Variants in CNGA3 observed in about 807,000 individuals in gnomAD.
The protein encoded by CNGA3 is cyclic nucleotide gated channel subunit alpha 3.
CNGA3 carries 42 observed loss-of-function variants against 46.6 expected under a neutral mutation model. The ratio of observed to expected loss-of-function variants is 0.90; its 90% confidence interval spans 0.70 to 1.17. The LOEUF (loss-of-function observed/expected upper bound fraction) is 1.17. Ranked by LOEUF, CNGA3 falls within the 50% of genes most tolerant of loss-of-function variation. The pLI is 0.00. For synonymous variants in CNGA3, 394 were observed against 369.4 expected, an observed-to-expected ratio of 1.07 and a Z score of -0.76; for missense variants, 893 against 890.7, an observed-to-expected ratio of 1.00 and a Z score of -0.03.
chr2:98,348,522 G>T (rs1691695957), intron 1 of CNGA3, among the ~76,000 whole-genome samples: 1 of 152,186 alleles, frequency 6.6e-6, no homozygotes, highest in South Asian at 2.1e-4. Context: ...GGCGGGGACG[G>T]CAGTGACCAG....
At chr2:98,359,731 G>A (rs915924391) in intron 1 of CNGA3, among the ~76,000 whole-genome samples, 8 of 152,286 alleles carry the variant, frequency 5.3e-5, no homozygotes, top group East Asian at 1.9e-4. Flanking sequence ...GTCTGTGGAC[G>A]CCCTGGCCAC....
At chr2:98,364,584 T>C (rs2104158432) in intron 1 of CNGA3, among the ~76,000 whole-genome samples, 1 of 152,304 alleles carries the variant, frequency 6.6e-6, no homozygotes, top group Admixed American at 6.5e-5. Context: ...CCATTCTGTG[T>C]CTTTTAATCA....
Position 98,396,905 on chromosome 2 carries a change from C to T in CNGA3, c.1735C>T (p.Leu579Phe). The T allele has an allele frequency of 2.5e-6, 4 of 1,614,126 alleles. No homozygotes were observed. The highest frequency in any genetic ancestry group is 3.4e-6 in the Non-Finnish European group (4 of 1,180,044). The part of the protein sequence containing the change: ...RSIGYSDLFC[L>F]SKDDLMEALT... ...CATTGGCTACTCAGACCTGTTCTGC[C>T]TCTCAAAGGACGATCTCATGGAGGC... Residue 579 changes from leucine to phenylalanine, a missense_variant, in exon 8 of 8, where the codon CTC (leucine) becomes TTC (phenylalanine). This residue lies in a region of CNGA3 where 548 missense variants were observed against 570.8 expected (regional missense o/e 0.96). Coordinates refer to ENST00000272602, the MANE Select transcript of CNGA3 (RefSeq NM_001298.3).
chr2:98,368,351 C>T (rs1469748678), intron 1 of CNGA3, among the ~76,000 whole-genome samples: 4 of 152,200 alleles, frequency 2.6e-5, no homozygotes, highest in Admixed American at 2.0e-4. Context: ...GAGTGGTCTC[C>T]ACTGACATCT....
At chr2:98,352,659 G>T (rs1691792465) in intron 1 of CNGA3, among the ~76,000 whole-genome samples, 1 of 152,194 alleles carries the variant, frequency 6.6e-6, no homozygotes, top group South Asian at 2.1e-4. Flanking sequence ...TCCATGGACT[G>T]GGTAAAGCAG....
chr2:98,364,373 A>T (rs540532540), intron 1 of CNGA3, among the ~76,000 whole-genome samples: 3 of 150,312 alleles, frequency 2.0e-5, no homozygotes, highest in South Asian at 4.2e-4. Context: ...GCAAGACTCC[A>T]TCTCAAAAAT....
intron 4 of CNGA3, among the ~76,000 whole-genome samples, chr2:98,382,570 A>T (rs1692563778): frequency 1.3e-5 from 2 of 152,230 alleles, no homozygotes; most frequent in Admixed American, 1.3e-4. Context: ...CGCCTGCCTC[A>T]GGCTCCAGTT....
At chr2:98,351,324 G>T (rs1691762707) in intron 1 of CNGA3, among the ~76,000 whole-genome samples, 1 of 152,162 alleles carries the variant, frequency 6.6e-6, no homozygotes, top group South Asian at 2.1e-4. Context: ...GTTGTGGGAG[G>T]GACCCAGTGG....
chr2:98,382,617 G>A (rs1274939790), intron 4 of CNGA3, among the ~76,000 whole-genome samples: 2 of 152,264 alleles, frequency 1.3e-5, no homozygotes, highest in Admixed American at 6.5e-5. Flanking sequence ...AGTGCCCTGC[G>A]AGGCCGCATG....
rs13424495 is a variant in CNGA3 at position 98,376,873 on chromosome 2, A to T, written c.102-814A>T. 2.6e-3 allele frequency among the ~76,000 whole-genome samples: 400 copies of T among 152,290 alleles called. 1 individual carries two copies. Among genetic ancestry groups the T allele is most frequent in the African/African-American group, 8.9e-3 (371 of 41,556 alleles). ...TTAAAAGAAAGGAAAATATTCCCAG[A>T]CGCATTCCTAGTCTTATTCCAGGCA... On this transcript the variant is annotated intron_variant, in intron 2 of 7. Transcript: ENST00000272602.
chr2:98,395,080 G>A lies in CNGA3; in HGVS notation c.674-764G>A, dbSNP rs552129666. Among the ~76,000 whole-genome samples the A allele has an allele frequency of 3.3e-5, 5 of 152,196 alleles. No homozygotes were observed. In the South Asian group the frequency reaches 1.0e-3, roughly 32 times the overall value. On this transcript the variant is annotated intron_variant, in intron 7 of 7. Transcript: ENST00000272602. ...CTCTTTGGAAAAAGCACAGGCCACA[G>A]ATCTTACTGTGACTTGTGTTTCTTT...
Position 98,397,108 on chromosome 2 carries a change from C to G in CNGA3, c.1938C>G (p.Arg646=), listed in dbSNP as rs1365646100. The G allele has an allele frequency of 6.2e-7, 1 of 1,614,146 alleles. No individual in the cohort carries two copies. Among genetic ancestry groups the G allele is most frequent in the Non-Finnish European group, 8.5e-7 (1 of 1,180,022 alleles). The change falls in exon 8 of 8, where the codon CGC becomes CGG. Residue 646 remains arginine (R), a synonymous_variant. Coordinates refer to ENST00000272602, the MANE Select transcript of CNGA3 (RefSeq NM_001298.3). ...SLDTLQTRFA[R]LLAEYNATQM... is the part of the protein sequence containing the mutation. ...ACACCCTGCAGACCAGGTTTGCACG[C>G]CTCCTGGCTGAGTACAACGCCACCC... is the stretch of plus-strand genomic sequence containing the variant.
rs1692954341 is a variant in CNGA3, at chr2:98,397,698, A to C, written c.*443A>C. 8.9e-6 allele frequency: 2 copies of C among 225,716 alleles called. No homozygotes were observed. Among genetic ancestry groups the C allele is most frequent in the Non-Finnish European group, 1.8e-5 (2 of 113,094 alleles). 14.0% of individuals were successfully genotyped at this position (225,716 alleles called of 1,614,324 possible). Reference sequence around the variant, plus strand: ...TATATAACAGGAAGCTGAAGGTACAACATAGTGACTAAAATTCAGACTTAC... The same window carrying C: ...TATATAACAGGAAGCTGAAGGTACACCATAGTGACTAAAATTCAGACTTAC... On this transcript the variant is annotated 3_prime_UTR_variant, in exon 8 of 8. Transcript: ENST00000272602.
chr2:98,393,134 T>G (rs954584708), intron 7 of CNGA3, among the ~76,000 whole-genome samples: 2 of 151,862 alleles, frequency 1.3e-5, no homozygotes, highest in South Asian at 4.2e-4. Context: ...CGTGTTGGTG[T>G]GTGCCTCAGG....
In CNGA3 at chr2:98,378,318, C is replaced by T. The variant is rs774017925; in HGVS notation, c.215+518C>T. The T allele has an allele frequency of 1.7e-5, 20 of 1,208,778 alleles. No individual in the cohort carries two copies. The African/African-American group carries it at 1.7e-4, about 10-fold the overall frequency. 74.9% of individuals were successfully genotyped at this position (1,208,778 alleles called of 1,614,324 possible). On this transcript the variant is annotated intron_variant, in intron 3 of 7. Coordinates refer to ENST00000272602, the MANE Select transcript of CNGA3 (RefSeq NM_001298.3). Reference sequence around the variant, plus strand: ...ATCCGTACTCCAGCTTCAACAGCTGCTCCATCCTGAGGAAGTCATTTCACC... The same window carrying T: ...ATCCGTACTCCAGCTTCAACAGCTGTTCCATCCTGAGGAAGTCATTTCACC...
chr2:98,385,756 A>T (rs1006716886), intron 5 of CNGA3, among the ~76,000 whole-genome samples: 2 of 152,236 alleles, frequency 1.3e-5, no homozygotes, highest in Non-Finnish European at 2.9e-5. Flanking sequence ...TGCAAGCTAT[A>T]CAGGAAGCAT....
intron 1 of CNGA3, among the ~76,000 whole-genome samples, chr2:98,369,315 A>T (rs560884909): frequency 6.6e-6 from 1 of 152,338 alleles, no homozygotes; most frequent in East Asian, 1.9e-4. Context: ...TGACAGGTGG[A>T]TCTATCTTTC....
chr2:98,393,487 CTGTT>C (rs913112515), intron 7 of CNGA3, among the ~76,000 whole-genome samples: 3 of 152,362 alleles, frequency 2.0e-5, no homozygotes, highest in East Asian at 3.9e-4. Context: ...GACTGGTCCT[CTGTT>C]TGCTTCCACA....
At chr2:98,352,384 TCTTAGGTATAAGCTTAGCAGTG>T in intron 1 of CNGA3, among the ~76,000 whole-genome samples, 1 of 152,224 alleles carries the variant, frequency 6.6e-6, no homozygotes. Context: ...TTTTTATTTC[TCTTAGGTATAAGCTTAGCAGTG>T]GAATTCCTGG....
Sources: allele counts gnomAD v4.1 joint callset (sites outside exome capture counted in the v4.1 genomes callset), GRCh38; gene constraint gnomAD v4.1.1; regional missense constraint gnomAD v4.1.1; transcripts MANE v1.5; gene names NCBI Gene and HGNC (gene_info 2026-07-23, HGNC 2026-07-21).